GRIP2: variants seen among roughly 807,000 people sequenced by gnomAD.
The protein encoded by GRIP2 is glutamate receptor-interacting protein 2.
Under a neutral mutation model 108.3 loss-of-function variants are expected in GRIP2, and 58 were observed. That is an observed-to-expected ratio of 0.54 (90% CI 0.43 to 0.67). The LOEUF is 0.67. Ranked by LOEUF, GRIP2 falls within the 30% of genes least tolerant of loss-of-function variation. The pLI, the probability that GRIP2 is intolerant of heterozygous loss-of-function variation, is 0.00. For synonymous variants in GRIP2, 586 were observed against 598.2 expected, an observed-to-expected ratio of 0.98 and a Z score of 0.30; for missense variants, 1,278 against 1,430.6, an observed-to-expected ratio of 0.89 and a Z score of 1.72.
chr3:14,558,595 C>G (rs1175580173), upstream of GRIP2, among the ~76,000 whole-genome samples: 1 of 152,158 alleles, frequency 6.6e-6, no homozygotes, highest in Non-Finnish European at 1.5e-5. Context: ...GAGTTCCGAC[C>G]TGGTGGGGTT....
At chr3:14,581,527 T>C in the GRIP2 span, among the ~76,000 whole-genome samples, 1 of 152,240 alleles carries the variant, frequency 6.6e-6, no homozygotes, top group African/African-American at 2.4e-5. Flanking sequence ...AGTGACTGGC[T>C]GAGGGACAAG....
At chr3:14,558,271 A>T (rs573789878), upstream of GRIP2, among the ~76,000 whole-genome samples, 86 of 152,322 alleles carry the variant, frequency 5.6e-4, no homozygotes, top group African/African-American at 2.0e-3. Context: ...CCGCTGCCAC[A>T]TCTAGGCCCA....
chr3:14,574,658 C>T, the GRIP2 span: 1 of 647,134 alleles, frequency 1.5e-6, no homozygotes, highest in Non-Finnish European at 2.9e-6. Flanking sequence ...CAGGGAAATT[C>T]GTGTTTTCCG....
At chr3:14,576,300 A>T in the GRIP2 span, among the ~76,000 whole-genome samples, 15 of 152,236 alleles carry the variant, frequency 9.9e-5, no homozygotes. Context: ...TCAGGACGGC[A>T]CTGAGATGCG....
upstream of GRIP2, chr3:14,542,072 A>G (rs1448453039): frequency 1.4e-5 from 19 of 1,348,930 alleles, no homozygotes; most frequent in Non-Finnish European, 1.8e-5. Context: ...GTCAGGGAGG[A>G]CAGGCGCATG....
At chr3:14,601,064 T>TCA in the GRIP2 span, among the ~76,000 whole-genome samples, 10,654 of 145,360 alleles carry the variant, frequency 0.073, 438 homozygotes, top group East Asian at 0.15. Flanking sequence ...CATCTCTCTC[T>TCA]CTCACACACA....
intron 2 of GRIP2, 111 bp from the exon 3 acceptor site, chr3:14,525,683 G>T: frequency 1.4e-6 from 2 of 1,391,276 alleles, no homozygotes; most frequent in Non-Finnish European, 2.0e-6. Flanking sequence ...CTGCTGCATT[G>T]CCCTGGGTGA....
chr3:14,547,866 A>T (rs568868433), intron 1 of GRIP2, among the ~76,000 whole-genome samples: 1 of 152,352 alleles, frequency 6.6e-6, no homozygotes, highest in East Asian at 1.9e-4. Flanking sequence ...GTCCTAGAGA[A>T]TGTTGTCAAG....
At chr3:14,518,716 G>T (rs1163791640) in intron 9 of GRIP2, among the ~76,000 whole-genome samples, 1 of 152,106 alleles carries the variant, frequency 6.6e-6, no homozygotes, top group African/African-American at 2.4e-5. Flanking sequence ...CATCTCCACA[G>T]CCCCCCTCCC....
chr3:14,521,645 G>C lies in GRIP2; in HGVS notation c.709C>G (p.Pro237Ala). The change falls in exon 7 of 24, where the codon CCT becomes GCT. Residue 237 changes from proline (P) to alanine (A), a missense_variant. Physicochemically the swap from Pro to Ala is conservative, Grantham distance 27 (BLOSUM62 -1). Transcript: ENST00000621039. This position sits in a 1 kb window ranked among gnomAD's most constrained non-coding sequence, Gnocchi z 5.1. ...CACACTCAGGCCCCCAACTCACCAG[G>C]GGTGGCCACATCATACTCCACCTGA... ...LFQVEYDVAT[P>A]DTVANASGPL... The C allele has an allele frequency of 1.2e-6, 2 of 1,607,964 alleles. No individual in the cohort carries two copies. The highest frequency in any genetic ancestry group is 1.7e-6 in the Non-Finnish European group (2 of 1,176,764).
Position 14,520,277 on chromosome 3 carries a change from C to A in GRIP2, c.863G>T (p.Ser288Ile). ...GTGGTCTCCAGGGTGCAGGGCTCCG[C>A]TCCTGGCCAGGCAGGGGAGTGAAGG... Reference protein sequence around the residue: ...RIKPASVVDRSGALHPGDHIL... With the variant: ...RIKPASVVDRIGALHPGDHIL... The change falls in exon 9 of 24, where the codon AGC becomes ATC. Residue 288 changes from serine to isoleucine, a missense_variant and splice_region_variant. By Grantham distance (142) the Ser-to-Ile change is moderately radical. Transcript: ENST00000621039. 1 of 1,613,206 alleles carries A rather than the reference C, an allele frequency of 6.2e-7. No homozygotes were observed.
chr3:14,552,631 TCTC>T (rs199779876), intron 1 of GRIP2, among the ~76,000 whole-genome samples: 4 of 93,722 alleles, frequency 4.3e-5, no homozygotes, highest in African/African-American at 1.0e-4. Context: ...TCTCTCTCTC[TCTC>T]TTTTTTTTTT....
chr3:14,518,511 C>CG (rs542357894), intron 9 of GRIP2, among the ~76,000 whole-genome samples: 70 of 152,302 alleles, frequency 4.6e-4, no homozygotes, highest in Non-Finnish European at 9.4e-4. Flanking sequence ...GAATTCTTTG[C>CG]ACTCCTGTTC....
intron 10 of GRIP2, 109 bp downstream of exon 10, chr3:14,517,663 A>G (rs1694291876): frequency 1.4e-6 from 2 of 1,403,314 alleles, no homozygotes; most frequent in African/African-American, 2.9e-5. Context: ...CACCACACCC[A>G]GCTCACTAAT....
chr3:14,529,234 G>T (rs551271016), intron 1 of GRIP2, among the ~76,000 whole-genome samples: 1 of 146,884 alleles, frequency 6.8e-6, no homozygotes, highest in African/African-American at 2.6e-5. Context: ...AGCCGAGACC[G>T]TGCCACTGCA....
At chr3:14,594,480 C>T in the GRIP2 span, among the ~76,000 whole-genome samples, 2 of 152,332 alleles carry the variant, frequency 1.3e-5, no homozygotes, top group South Asian at 4.1e-4. Flanking sequence ...GAGGCGCTCC[C>T]TCACCTTGCC....
the GRIP2 span, among the ~76,000 whole-genome samples, chr3:14,572,420 G>A: frequency 0.04 from 6,098 of 151,082 alleles, 448 homozygotes; most frequent in African/African-American, 0.14. Context: ...AGACCATCCC[G>A]GCTAAAACGG....
At chr3:14,597,172 C>A in the GRIP2 span, among the ~76,000 whole-genome samples, 2 of 152,182 alleles carry the variant, frequency 1.3e-5, no homozygotes, top group East Asian at 3.8e-4. Context: ...AAGCCTGAGA[C>A]CTTACTGTAA....
chr3:14,580,220 G>A, the GRIP2 span, among the ~76,000 whole-genome samples: 3 of 152,324 alleles, frequency 2.0e-5, no homozygotes, highest in East Asian at 5.8e-4. Flanking sequence ...ACCGTGCCAA[G>A]TCCTGGTGGC....
Sources: gnomAD v4.1 joint callset for allele counts (sites outside exome capture counted in the v4.1 genomes callset) on GRCh38, gnomAD v4.1.1 for gene constraint, Gnocchi (gnomAD v3.1) non-coding constraint, MANE v1.5 for transcripts, NCBI Gene and HGNC (gene_info 2026-07-23, HGNC 2026-07-21) for gene names.